Variants in SLC35D4 observed in about 807,000 individuals in gnomAD.
The protein encoded by SLC35D4 is UDP-N-acetylglucosamine transporter SLC35D4.
chr18:23,351,607 C>T, the SLC35D4 span, among the ~76,000 whole-genome samples: 3 of 152,088 alleles, frequency 2.0e-5, no homozygotes, highest in Non-Finnish European at 4.4e-5. Flanking sequence ...AGGAGGCTTA[C>T]TCCTTGAAAG....
chr18:23,270,357 C>T, the SLC35D4 span, among the ~76,000 whole-genome samples: 2 of 152,362 alleles, frequency 1.3e-5, no homozygotes, highest in Admixed American at 1.3e-4. Flanking sequence ...TGTAGGAATG[C>T]CTGCATGTCT....
At chr18:23,343,468 C>T in the SLC35D4 span, among the ~76,000 whole-genome samples, 38 of 151,898 alleles carry the variant, frequency 2.5e-4, no homozygotes, top group Middle Eastern at 6.8e-3. Context: ...CTCAAACTCC[C>T]GACCTCAGGT....
chr18:23,288,056 TACTC>T, the SLC35D4 span, among the ~76,000 whole-genome samples: 3 of 152,244 alleles, frequency 2.0e-5, no homozygotes, highest in Non-Finnish European at 4.4e-5. Context: ...CCTTCAGCTG[TACTC>T]ACTCTTTGTT....
the SLC35D4 span, among the ~76,000 whole-genome samples, chr18:23,345,481 CAAAAAAAAAAAAA>C: frequency 1.4e-4 from 8 of 57,248 alleles, no homozygotes; most frequent in South Asian, 9.2e-4. Context: ...GACTCCATCT[CAAAAAAAAAAAAA>C]AAAAAAAAAA....
the SLC35D4 span, chr18:23,331,150 C>T: frequency 0.024 from 3,730 of 152,334 alleles, 50 homozygotes; most frequent in Middle Eastern, 0.058. Context: ...GCAGGTGTGC[C>T]GTTTTCCATA....
At chr18:23,369,514 A>G in the SLC35D4 span, among the ~76,000 whole-genome samples, 84 of 152,328 alleles carry the variant, frequency 5.5e-4, no homozygotes, top group Non-Finnish European at 9.4e-4. Context: ...AAGTAAGTCA[A>G]ATTAGGACGG....
At chr18:23,428,173 A>C in the SLC35D4 span, among the ~76,000 whole-genome samples, 1 of 149,114 alleles carries the variant, frequency 6.7e-6, no homozygotes, top group Non-Finnish European at 1.5e-5. Context: ...TATAATAATA[A>C]AAAAATTAAA....
the SLC35D4 span, chr18:23,421,413 G>A: frequency 6.2e-7 from 1 of 1,614,058 alleles, no homozygotes; most frequent in Non-Finnish European, 8.5e-7. Context: ...CAGGACACAT[G>A]AAGCAAAAGT....
chr18:23,374,852 T>C, the SLC35D4 span, among the ~76,000 whole-genome samples: 1 of 152,188 alleles, frequency 6.6e-6, no homozygotes, highest in South Asian at 2.1e-4. Flanking sequence ...TGGTGGCTCA[T>C]ACCTGTAATC....
chr18:23,286,474 C>T, the SLC35D4 span, among the ~76,000 whole-genome samples: 5 of 152,080 alleles, frequency 3.3e-5, no homozygotes, highest in African/African-American at 9.7e-5. Flanking sequence ...GACTCTGGCC[C>T]AAGGCTCTCT....
At chr18:23,289,434 T>C in the SLC35D4 span, among the ~76,000 whole-genome samples, 9 of 152,268 alleles carry the variant, frequency 5.9e-5, no homozygotes, top group African/African-American at 2.2e-4. Flanking sequence ...ATGACAAATG[T>C]TTCTTCTAAC....
At chr18:23,246,247 CAG>C in the SLC35D4 span, among the ~76,000 whole-genome samples, 2 of 147,574 alleles carry the variant, frequency 1.4e-5, no homozygotes, top group African/African-American at 2.5e-5. Flanking sequence ...GCCTAGGTGA[CAG>C]AGTGAGACTC....
the SLC35D4 span, among the ~76,000 whole-genome samples, chr18:23,288,630 G>A: frequency 3.0e-3 from 450 of 152,170 alleles, 1 homozygote; most frequent in Non-Finnish European, 4.3e-3. Context: ...TCTTGGTCTA[G>A]GTAGACACTT....
chr18:23,354,283 C>T, the SLC35D4 span, among the ~76,000 whole-genome samples: 7 of 142,136 alleles, frequency 4.9e-5, no homozygotes, highest in East Asian at 2.1e-4. Flanking sequence ...GGGCGGATCA[C>T]GAGGTCAGGA....
chr18:23,427,409 C>G, the SLC35D4 span, among the ~76,000 whole-genome samples: 2 of 152,226 alleles, frequency 1.3e-5, no homozygotes, highest in Admixed American at 1.3e-4. Flanking sequence ...CCAACAGACA[C>G]ATGAAAAAAT....
At chr18:23,276,990 A>T in the SLC35D4 span, among the ~76,000 whole-genome samples, 1 of 152,308 alleles carries the variant, frequency 6.6e-6, no homozygotes, top group African/African-American at 2.4e-5. Flanking sequence ...AATGCTGCAA[A>T]TCGAACCACC....
At chr18:23,292,388 C>T in the SLC35D4 span, among the ~76,000 whole-genome samples, 1 of 152,208 alleles carries the variant, frequency 6.6e-6, no homozygotes, top group Non-Finnish European at 1.5e-5. Context: ...CTCCTGGTTG[C>T]TCCAACCCCA....
chr18:23,278,140 C>A, the SLC35D4 span, among the ~76,000 whole-genome samples: 16 of 152,186 alleles, frequency 1.1e-4, no homozygotes, highest in Admixed American at 1.0e-3. Context: ...TTCCTACTCT[C>A]TTCTTGGGAA....
At chr18:23,327,676 A>C in the SLC35D4 span, among the ~76,000 whole-genome samples, 1 of 152,042 alleles carries the variant, frequency 6.6e-6, no homozygotes. Flanking sequence ...TAGAAAAAAA[A>C]ATAGGGAATC....
Sources: allele counts gnomAD v4.1 joint callset (sites outside exome capture counted in the v4.1 genomes callset), GRCh38; gene constraint gnomAD v4.1.1; transcripts MANE v1.5; gene names NCBI Gene and HGNC (gene_info 2026-07-23, HGNC 2026-07-21).